EPB41L5: variants seen among roughly 807,000 people sequenced by gnomAD.
EPB41L5 encodes band 4.1-like protein 5.
A neutral mutation model predicts 106.6 loss-of-function variants in EPB41L5; 55 were observed. That is an observed-to-expected ratio of 0.52 (90% CI 0.42 to 0.65). EPB41L5 has a LOEUF of 0.65. EPB41L5 is among the 30% of genes least tolerant of loss of function. The probability of loss-of-function intolerance (pLI) is 0.00; values close to 1 mark genes in which losing one functional copy is unlikely to be tolerated. For synonymous variants in EPB41L5, 297 were observed against 306.7 expected (o/e 0.97, Z 0.33); for missense variants, 871 against 882.1 (o/e 0.99, Z 0.16).
rs1360947182 is a variant in EPB41L5, at chr2:120,105,757, A to C, written c.1337+4943A>C. The C allele has an allele frequency of 5.1e-6, 5 of 985,294 alleles. No homozygotes were observed. The East Asian group carries it at 5.7e-4, about 112-fold the overall frequency. The allele number at this position is 985,294 out of a possible 1,614,324, so 61.0% of individuals were successfully genotyped here. A position where few individuals can be genotyped will look rare whatever the true frequency, so the allele number is the denominator to read the frequency against. ...ATGGCCACTAATGTATGGCCCTTAT[A>C]GTTGTTTTAGACTTTACATAGCTCA... On this transcript the variant is annotated intron_variant, in intron 16 of 24. Transcript: ENST00000263713.
intron 3 of EPB41L5, among the ~76,000 whole-genome samples, chr2:120,072,364 A>G (rs1681929539): frequency 6.6e-6 from 1 of 152,196 alleles, no homozygotes; most frequent in South Asian, 2.1e-4. Context: ...TGTGGAAGAC[A>G]GTGTGGTGAT....
intron 17 of EPB41L5, among the ~76,000 whole-genome samples, chr2:120,129,870 G>A (rs1390692293): frequency 2.0e-5 from 3 of 152,214 alleles, no homozygotes; most frequent in Non-Finnish European, 4.4e-5. Context: ...TCCTGGCCAA[G>A]CACAGTGGCT....
chr2:120,111,292 T>C (rs1684718890), intron 16 of EPB41L5, among the ~76,000 whole-genome samples: 1 of 152,220 alleles, frequency 6.6e-6, no homozygotes, highest in Non-Finnish European at 1.5e-5. Flanking sequence ...GCATCCCGAA[T>C]TTAATATGTT....
intron 3 of EPB41L5, among the ~76,000 whole-genome samples, chr2:120,051,870 AG>A (rs1680313108): frequency 6.6e-6 from 1 of 151,994 alleles, no homozygotes; most frequent in Non-Finnish European, 1.5e-5. Context: ...TCTGTCACCC[AG>A]GCTGGAGTGC....
chr2:120,174,349 T>A (rs192528057), intron 24 of EPB41L5, among the ~76,000 whole-genome samples: 81 of 152,126 alleles, frequency 5.3e-4, no homozygotes, highest in Admixed American at 2.9e-3. Flanking sequence ...CCCAGCTACT[T>A]CTACTTTTGG....
Position 120,148,248 on chromosome 2 carries a change from A to G in EPB41L5, c.1793+1959A>G, listed in dbSNP as rs143783946. On this transcript the variant is annotated intron_variant, in intron 20 of 24. Transcript: ENST00000263713. ...ACAAAATTGTGCAACCATTACCACT[A>G]TAATAAATTCTAGAACATTGTTTGA... Among the ~76,000 whole-genome samples the G allele has an allele frequency of 1.3e-3, 200 of 152,244 alleles. 1 individual carries two copies. The highest frequency in any genetic ancestry group is 4.5e-3 in the African/African-American group (186 of 41,570).
intron 3 of EPB41L5, among the ~76,000 whole-genome samples, chr2:120,054,484 G>A (rs979864803): frequency 1.2e-4 from 18 of 151,060 alleles, no homozygotes; most frequent in African/African-American, 4.4e-4. Context: ...AGATTTACAC[G>A]TTTTCTTCTA....
chr2:120,022,898 T>C (rs1678034443), intron 2 of EPB41L5, among the ~76,000 whole-genome samples: 1 of 152,238 alleles, frequency 6.6e-6, no homozygotes, highest in African/African-American at 2.4e-5. Context: ...TGGTATCTCA[T>C]TGTGATTTTG....
intron 21 of EPB41L5, among the ~76,000 whole-genome samples, chr2:120,162,574 T>C (rs1205276774): frequency 6.6e-6 from 1 of 152,232 alleles, no homozygotes. Flanking sequence ...TTTCTGCTGA[T>C]GAAAATCTGA....
chr2:120,139,936 A>C (rs561363467), intron 18 of EPB41L5, among the ~76,000 whole-genome samples: 1 of 152,220 alleles, frequency 6.6e-6, no homozygotes, highest in South Asian at 2.1e-4. Context: ...CAACAGATGA[A>C]TAGATAAAGA....
chr2:120,097,299 C>G (rs939952536), intron 14 of EPB41L5, among the ~76,000 whole-genome samples: 2 of 152,186 alleles, frequency 1.3e-5, no homozygotes, highest in African/African-American at 4.8e-5. Context: ...AACCTGAGCT[C>G]AGACTGGCAT....
intron 20 of EPB41L5, among the ~76,000 whole-genome samples, chr2:120,156,567 A>G (rs1267725592): frequency 6.6e-6 from 1 of 152,164 alleles, no homozygotes; most frequent in African/African-American, 2.4e-5. Context: ...CACTGCAGTC[A>G]CAACCTTGGC....
intron 16 of EPB41L5, among the ~76,000 whole-genome samples, chr2:120,113,376 A>G (rs1684807750): frequency 6.6e-6 from 1 of 152,210 alleles, no homozygotes; most frequent in South Asian, 2.1e-4. Context: ...GGAAGGAGAC[A>G]AGGAAAACTG....
At chr2:120,100,675 A>C in intron 15 of EPB41L5, 24 bp from the exon 16 acceptor site, 2 of 1,561,820 alleles carry the variant, frequency 1.3e-6, no homozygotes, top group South Asian at 2.2e-5. Context: ...CAAAATAGAT[A>C]ATTTTTATAA....
chr2:120,174,960 T>A lies in EPB41L5; in HGVS notation c.*53T>A, dbSNP rs1687871116. The stretch of plus-strand genomic sequence containing the variant: ...CCAGCATTCCGTCCTGGGATCCGTT[T>A]CAGCTAGAATATGTTGGATTCAGGA... On this transcript the variant is annotated 3_prime_UTR_variant, in exon 25 of 25. Coordinates refer to ENST00000263713, the MANE Select transcript of EPB41L5 (RefSeq NM_020909.4). The A allele has an allele frequency of 6.5e-7, 1 of 1,528,462 alleles. No homozygotes were observed. Among genetic ancestry groups the A allele is most frequent in the Non-Finnish European group, 9.1e-7 (1 of 1,101,864 alleles). The allele number at this position is 1,528,462 out of a possible 1,614,324, so 94.7% of individuals were successfully genotyped here.
At chr2:120,171,682 T>G (rs1307857381) in intron 24 of EPB41L5, among the ~76,000 whole-genome samples, 1 of 152,232 alleles carries the variant, frequency 6.6e-6, no homozygotes, top group African/African-American at 2.4e-5. Flanking sequence ...TGCACATACA[T>G]TTTTGGATCC....
In EPB41L5 at chr2:120,104,140, A is replaced by T. The variant is rs1474161610; in HGVS notation, c.1337+3326A>T. 7 of 1,535,998 alleles carry T rather than the reference A, an allele frequency of 4.6e-6. No individual in the cohort carries two copies. The African/African-American group carries it at 9.6e-5, about 21-fold the overall frequency. ...GCCTTGCCCCCACCCCAGACCGCAC[A>T]TAGAAACTACACTGACTTTGTTCAT... On this transcript the variant is annotated intron_variant, in intron 16 of 24. Transcript: ENST00000263713.
At chr2:120,147,624 CAAAAAA>C (rs60980401) in intron 20 of EPB41L5, among the ~76,000 whole-genome samples, 1 of 75,580 alleles carries the variant, frequency 1.3e-5, no homozygotes, top group Middle Eastern at 7.7e-3. Context: ...AACTCTGTCT[CAAAAAA>C]AAAAAAAAAA....
At chr2:120,045,467 A>G (rs1291587820) in intron 3 of EPB41L5, among the ~76,000 whole-genome samples, 1 of 152,036 alleles carries the variant, frequency 6.6e-6, no homozygotes, top group African/African-American at 2.4e-5. Context: ...GTCCCATCAC[A>G]CCTGAATTCT....
Sources: gnomAD v4.1 joint callset for allele counts (sites outside exome capture counted in the v4.1 genomes callset) on GRCh38, gnomAD v4.1.1 for gene constraint, MANE v1.5 for transcripts, NCBI Gene and HGNC (gene_info 2026-07-23, HGNC 2026-07-21) for gene names.